Variants in SEMA5A observed in about 807,000 individuals in gnomAD.
SEMA5A encodes semaphorin 5A.
In SEMA5A, 55 loss-of-function variants were observed where a neutral mutation model predicts 135.5. The ratio of observed to expected loss-of-function variants is 0.41; its 90% confidence interval spans 0.33 to 0.51. SEMA5A has a LOEUF of 0.51. Among genes scored for constraint, SEMA5A ranks in the 20% least tolerant of loss-of-function variants. SEMA5A has a pLI of 0.37. For synonymous variants in SEMA5A, 580 were observed against 546.5 expected, an observed-to-expected ratio of 1.06 and a Z score of -0.85; for missense variants, 1,290 against 1,419.9, an observed-to-expected ratio of 0.91 and a Z score of 1.47.
chr5:9,235,493 G>T lies in SEMA5A; in HGVS notation c.333+2335C>A, dbSNP rs115045730. Among the ~76,000 whole-genome samples the T allele has an allele frequency of 9.9e-3, 1,508 of 152,226 alleles. 30 individuals carry two copies. The highest frequency in any genetic ancestry group is 0.035 in the African/African-American group (1,456 of 41,516). On this transcript the variant is annotated intron_variant, in intron 6 of 22. Coordinates refer to ENST00000382496, the MANE Select transcript of SEMA5A (RefSeq NM_003966.3). ...ACCCTAAATTAAAGTTCACTACCCTGGTATGGGCTTCTCATGTTCATTCAG... is the reference window on the plus strand; with the variant it reads ...ACCCTAAATTAAAGTTCACTACCCTTGTATGGGCTTCTCATGTTCATTCAG...
At chr5:9,410,399 T>G (rs1561230859) in intron 2 of SEMA5A, among the ~76,000 whole-genome samples, 1 of 152,228 alleles carries the variant, frequency 6.6e-6, no homozygotes, top group Non-Finnish European at 1.5e-5. Flanking sequence ...TGGGGCTGTT[T>G]TACTGCGTGA....
At chr5:9,199,956 G>A (rs557035431) in intron 9 of SEMA5A, among the ~76,000 whole-genome samples, 2 of 152,152 alleles carry the variant, frequency 1.3e-5, no homozygotes, top group South Asian at 2.1e-4. Flanking sequence ...AAACCTTGAC[G>A]AATGTACAGA....
chr5:9,147,416 C>G (rs1742397662), intron 12 of SEMA5A, among the ~76,000 whole-genome samples: 1 of 151,952 alleles, frequency 6.6e-6, no homozygotes, highest in Non-Finnish European at 1.5e-5. Flanking sequence ...GTTTTACAGG[C>G]TTGTGCCACC....
At chr5:9,162,782 G>A (rs146601299) in intron 11 of SEMA5A, among the ~76,000 whole-genome samples, 2,381 of 151,812 alleles carry the variant, frequency 0.016, 28 homozygotes, top group Non-Finnish European at 0.023. Context: ...GGATGTTAAG[G>A]TTGGAAGGGA....
intron 8 of SEMA5A, among the ~76,000 whole-genome samples, chr5:9,213,984 G>A (rs1209256395): frequency 2.0e-5 from 3 of 151,424 alleles, no homozygotes; most frequent in African/African-American, 7.4e-5. Context: ...ATGGGGGAAA[G>A]TGCAACTTGA....
At chr5:9,164,375 G>A (rs377027982) in intron 11 of SEMA5A, among the ~76,000 whole-genome samples, 9 of 147,008 alleles carry the variant, frequency 6.1e-5, no homozygotes, top group South Asian at 4.3e-4. Context: ...ACTGTTAAGC[G>A]CAATTTAAAA....
intron 1 of SEMA5A, among the ~76,000 whole-genome samples, chr5:9,531,213 G>A (rs963766125): frequency 3.3e-5 from 5 of 152,292 alleles, no homozygotes; most frequent in Non-Finnish European, 5.9e-5. Context: ...GTCCTAGAGA[G>A]GTGACCAGCT....
intron 3 of SEMA5A, among the ~76,000 whole-genome samples, chr5:9,351,434 T>C (rs1396861925): frequency 6.6e-6 from 1 of 152,062 alleles, no homozygotes; most frequent in African/African-American, 2.4e-5. Context: ...TGCATTTCAT[T>C]GTTATCTTTC....
intron 11 of SEMA5A, among the ~76,000 whole-genome samples, chr5:9,168,593 T>C (rs1299463138): frequency 6.6e-6 from 1 of 152,214 alleles, no homozygotes. Flanking sequence ...TTTCCATATA[T>C]TAAAACTGCT....
chr5:9,116,041 CAGTT>C (rs1229920678), intron 15 of SEMA5A, among the ~76,000 whole-genome samples: 1 of 152,184 alleles, frequency 6.6e-6, no homozygotes, highest in Non-Finnish European at 1.5e-5. Context: ...TTGAGGTCTG[CAGTT>C]TGACAGCCCA....
intron 1 of SEMA5A, among the ~76,000 whole-genome samples, chr5:9,535,259 T>C (rs1737696255): frequency 1.3e-5 from 2 of 152,238 alleles, no homozygotes; most frequent in South Asian, 4.1e-4. Context: ...GATTCTTACT[T>C]GCCAGCTTGC....
At chr5:9,230,697 G>A (rs181610123) in intron 6 of SEMA5A, among the ~76,000 whole-genome samples, 1 of 152,234 alleles carries the variant, frequency 6.6e-6, no homozygotes, top group African/African-American at 2.4e-5. Context: ...ATAAAATGAT[G>A]GAGGGTGGCC....
At chr5:9,280,974 C>T (rs1750511265) in intron 5 of SEMA5A, among the ~76,000 whole-genome samples, 1 of 152,112 alleles carries the variant, frequency 6.6e-6, no homozygotes, top group South Asian at 2.1e-4. Flanking sequence ...AACTTCTAGG[C>T]TTGAGAAAAA....
At position 9,042,842 on chromosome 5, in the gene SEMA5A, G is replaced by C. The variant is rs541188086; in HGVS notation, c.*55C>G. On this transcript the variant is annotated 3_prime_UTR_variant, in exon 23 of 23. Coordinates refer to ENST00000382496, the MANE Select transcript of SEMA5A (RefSeq NM_003966.3). Reference sequence around the variant, plus strand: ...AGCCTCAGAAACATGGGCAGTCATGGGGCACAGGCCTTGAGGAACTGGGGA... The same window carrying C: ...AGCCTCAGAAACATGGGCAGTCATGCGGCACAGGCCTTGAGGAACTGGGGA... 1.2e-5 allele frequency: 19 copies of C among 1,604,576 alleles called. No individual in the cohort carries two copies. Among genetic ancestry groups the C allele is most frequent in the African/African-American group, 1.1e-4 (8 of 74,770 alleles).
At chr5:9,531,865 C>A (rs937383072) in intron 1 of SEMA5A, among the ~76,000 whole-genome samples, 1 of 152,184 alleles carries the variant, frequency 6.6e-6, no homozygotes, top group African/African-American at 2.4e-5. Flanking sequence ...TGGAGCAAGA[C>A]ACACTAAAAG....
intron 5 of SEMA5A, among the ~76,000 whole-genome samples, chr5:9,248,895 A>T (rs1266178402): frequency 6.6e-6 from 1 of 152,188 alleles, no homozygotes; most frequent in Non-Finnish European, 1.5e-5. Flanking sequence ...TAGCCTCCAG[A>T]ACTGTGAGAG....
intron 5 of SEMA5A, among the ~76,000 whole-genome samples, chr5:9,286,064 G>A (rs1180776698): frequency 1.3e-5 from 2 of 152,140 alleles, no homozygotes; most frequent in South Asian, 2.1e-4. Flanking sequence ...TTAAAAGGAT[G>A]CTTCCTGAAA....
At chr5:9,412,543 G>T in intron 2 of SEMA5A, among the ~76,000 whole-genome samples, 1 of 126,838 alleles carries the variant, frequency 7.9e-6, no homozygotes, top group South Asian at 2.6e-4. Flanking sequence ...TACAGGCTAA[G>T]AATCTCTTAT....
intron 2 of SEMA5A, among the ~76,000 whole-genome samples, chr5:9,409,202 C>T (rs1030712504): frequency 6.6e-6 from 1 of 152,162 alleles, no homozygotes; most frequent in East Asian, 1.9e-4. Context: ...TCATATCTAC[C>T]AGGTAAGAAA....
Sources: gnomAD v4.1 joint callset for allele counts (sites outside exome capture counted in the v4.1 genomes callset) on GRCh38, gnomAD v4.1.1 for gene constraint, MANE v1.5 for transcripts, NCBI Gene and HGNC (gene_info 2026-07-23, HGNC 2026-07-21) for gene names.